DPYSL4: variants seen among roughly 807,000 people sequenced by gnomAD.
DPYSL4 encodes the protein dihydropyrimidinase-related protein 4.
DPYSL4 carries 43 observed loss-of-function variants against 63.4 expected under a neutral mutation model. The observed-to-expected ratio is 0.68, with a 90% confidence interval of 0.53 to 0.88. The LOEUF is 0.88. Ranked by LOEUF, DPYSL4 falls within the 40% of genes least tolerant of loss-of-function variation. The pLI is 0.00. For missense variants in DPYSL4, 733 were observed against 819.5 expected (o/e 0.89, Z 1.29); for synonymous variants, 353 against 331.7 (o/e 1.06, Z -0.70).
At position 132,200,860 on chromosome 10, in the gene DPYSL4, A is replaced by G; in HGVS notation, c.987A>G (p.Thr329=). ...TTTCCAGCGGGGACCTCCAGGTGACAGGCAGCGCCCACTGCACCTTCACCA... is the reference window on the plus strand; with the variant it reads ...TTTCCAGCGGGGACCTCCAGGTGACGGGCAGCGCCCACTGCACCTTCACCA... ...CLLSSGDLQV[T]GSAHCTFTTA... Residue 329 remains threonine, a synonymous_variant, in exon 10 of 14, where the codon ACA becomes ACG. Transcript: ENST00000338492. 8 of 1,612,762 alleles carry G rather than the reference A, an allele frequency of 5.0e-6. No homozygotes were observed. The highest frequency in any genetic ancestry group is 6.8e-6 in the Non-Finnish European group (8 of 1,179,840).
intron 7 of DPYSL4, 29 bp downstream of exon 7, chr10:132,198,512 C>A: frequency 6.4e-7 from 1 of 1,574,694 alleles, no homozygotes; most frequent in East Asian, 2.3e-5. Context: ...ACAGCACACC[C>A]GAGCCAACTC....
At position 132,200,426 on chromosome 10, in the gene DPYSL4, C is replaced by G; in HGVS notation, c.882C>G (p.Asn294Lys). 6.2e-7 allele frequency: 1 copy of G among 1,613,626 alleles called. No homozygotes were observed. Among genetic ancestry groups the G allele is most frequent in the Non-Finnish European group, 8.5e-7 (1 of 1,179,952 alleles). The change falls in exon 9 of 14, where the codon AAC becomes AAG. Residue 294 changes from asparagine (N) to lysine (K), a missense_variant. By Grantham distance (94) the Asn-to-Lys change is moderately conservative. Transcript: ENST00000338492. ...GTDGSHYWSK[N>K]WAKAAAFVTS... ...ACGGTTCACACTACTGGAGCAAGAA[C>G]TGGGCCAAGGCCGCAGCCTTCGTCA...
rs1203030549 is a variant in DPYSL4 at position 132,204,999 on chromosome 10, C to A, written c.*69C>A. The A allele has an allele frequency of 7.8e-7, 1 of 1,277,126 alleles. No homozygotes were observed. The highest frequency in any genetic ancestry group is 1.1e-6 in the Non-Finnish European group (1 of 920,814). 79.1% of individuals were successfully genotyped at this position (1,277,126 alleles called of 1,614,324 possible). ...GCCGCGGGGGCCCCAGGGCACTCGCCCCCCTCCTTAGCATTTTCTTTTGTA... is the reference window on the plus strand; with the variant it reads ...GCCGCGGGGGCCCCAGGGCACTCGCACCCCTCCTTAGCATTTTCTTTTGTA... On this transcript the variant is annotated 3_prime_UTR_variant, in exon 14 of 14. Coordinates refer to ENST00000338492, the MANE Select transcript of DPYSL4 (RefSeq NM_006426.3).
chr10:132,193,337 G>A lies in DPYSL4; in HGVS notation c.313+495G>A, dbSNP rs146569457. ...TTATTATCCCATCAAAAAATAACCC[G>A]AGTTGCTATTTCTGTAGTGCTGGCT... is the stretch of plus-strand genomic sequence containing the variant. On this transcript the variant is annotated intron_variant, in intron 3 of 13. Coordinates refer to ENST00000338492, the MANE Select transcript of DPYSL4 (RefSeq NM_006426.3). Among the ~76,000 whole-genome samples, 700 of 152,352 alleles carry A rather than the reference G, an allele frequency of 4.6e-3. 2 individuals carry two copies. The highest frequency in any genetic ancestry group is 8.2e-3 in the Non-Finnish European group (555 of 68,028).
Position 132,200,420 on chromosome 10 carries a change from C to T in DPYSL4, c.876C>T (p.Ser292=), listed in dbSNP as rs766924068. The T allele has an allele frequency of 1.4e-5, 23 of 1,613,490 alleles. No homozygotes were observed. The African/African-American group carries it at 2.1e-4, about 15-fold the overall frequency. Residue 292 remains serine, a synonymous_variant, in exon 9 of 14, where the codon AGC becomes AGT. Coordinates refer to ENST00000338492, the MANE Select transcript of DPYSL4 (RefSeq NM_006426.3). ...GCACCGACGGTTCACACTACTGGAG[C>T]AAGAACTGGGCCAAGGCCGCAGCCT... ...SLGTDGSHYW[S]KNWAKAAAFV...
At chr10:132,202,585 C>T (rs538114250) in intron 11 of DPYSL4, 61 bp from the exon 12 acceptor site, 73 of 1,591,226 alleles carry the variant, frequency 4.6e-5, no homozygotes, top group Middle Eastern at 2.3e-4. Context: ...AGCGGCTCAA[C>T]GGGGATGGGA....
rs1161873281 is a variant in DPYSL4, at chr10:132,205,538, C to T, written c.*608C>T. 6.6e-6 allele frequency: 1 copy of T among 152,634 alleles called. No homozygotes were observed. The highest frequency in any genetic ancestry group is 1.5e-5 in the Non-Finnish European group (1 of 68,154). 9.5% of individuals were successfully genotyped at this position (152,634 alleles called of 1,614,324 possible). On this transcript the variant is annotated 3_prime_UTR_variant, in exon 14 of 14. Coordinates refer to ENST00000338492, the MANE Select transcript of DPYSL4 (RefSeq NM_006426.3). ...TCCCTTTTACGCACCCCAAGGCCCACACCTAAGCTTCCATGTAGCCCTCAT... is the reference window on the plus strand; with the variant it reads ...TCCCTTTTACGCACCCCAAGGCCCATACCTAAGCTTCCATGTAGCCCTCAT...
Position 132,200,979 on chromosome 10 carries a change from G to A in DPYSL4, c.1106G>A (p.Cys369Tyr). The A allele has an allele frequency of 6.2e-7, 1 of 1,613,074 alleles. No individual in the cohort carries two copies. Among genetic ancestry groups the A allele is most frequent in the East Asian group, 2.2e-5 (1 of 44,888 alleles). The change falls in exon 10 of 14, where the codon TGT becomes TAT. Residue 369 changes from cysteine (C) to tyrosine (Y), a missense_variant. By Grantham distance (194) the Cys-to-Tyr change is radical (BLOSUM62 -2). Transcript: ENST00000338492. ...CGCATGTCGATGGTCTGGGAGAAATGTGTGGTGAGCACAGGCCTGGCCGGG... is the reference window on the plus strand; with the variant it reads ...CGCATGTCGATGGTCTGGGAGAAATATGTGGTGAGCACAGGCCTGGCCGGG... ...EERMSMVWEK[C>Y]VASGKMDENE...
chr10:132,188,906 G>A (rs2061837470), intron 1 of DPYSL4, among the ~76,000 whole-genome samples: 1 of 152,226 alleles, frequency 6.6e-6, no homozygotes, highest in African/African-American at 2.4e-5. Flanking sequence ...TCTGGCCTGT[G>A]GCATAGTCTG....
rs531159692 is a variant in DPYSL4 at position 132,198,940 on chromosome 10, G to A, written c.780G>A (p.Ala260=). Residue 260 remains alanine (A), a synonymous_variant, in exon 8 of 14, where the codon GCG becomes GCA. Coordinates refer to ENST00000338492, the MANE Select transcript of DPYSL4 (RefSeq NM_006426.3). ...LYVTKVMSKG[A]ADAIAQAKRR... ...TCACCAAGGTGATGAGCAAGGGGGC[G>A]GCCGACGCCATCGCTCAGGCCAAGC... 1.4e-5 allele frequency: 23 copies of A among 1,612,728 alleles called. No homozygotes were observed. The highest frequency in any genetic ancestry group is 2.2e-5 in the East Asian group (1 of 44,882).
At chr10:132,198,045 G>A (rs570122856) in intron 6 of DPYSL4, among the ~76,000 whole-genome samples, 7 of 152,288 alleles carry the variant, frequency 4.6e-5, no homozygotes, top group African/African-American at 7.2e-5. Context: ...AGGAGTGGTC[G>A]TCCATTCCTG....
At chr10:132,187,227 T>A in intron 1 of DPYSL4, 125 bp downstream of exon 1, 1 of 611,894 alleles carries the variant, frequency 1.6e-6, no homozygotes, top group Non-Finnish European at 2.7e-6. Context: ...CTGGTCCCTG[T>A]CCTGGCGCCC....
intron 11 of DPYSL4, 112 bp from the exon 12 acceptor site, chr10:132,202,534 G>A: frequency 2.9e-6 from 4 of 1,377,126 alleles, no homozygotes; most frequent in South Asian, 1.4e-5. Flanking sequence ...CTCAGTGTAG[G>A]CACACCGGGC....
In DPYSL4 at chr10:132,204,942, C is replaced by T. The variant is rs201110426; in HGVS notation, c.*12C>T. ...CCTCTCTCTCCTAGACGCCCAGGAC[C>T]GGCCCTGTGAGCCGTGCTGGCCCCA... is the stretch of plus-strand genomic sequence containing the variant. On this transcript the variant is annotated 3_prime_UTR_variant, in exon 14 of 14. Transcript: ENST00000338492. 230 of 1,603,286 alleles carry T rather than the reference C, an allele frequency of 1.4e-4. No individual in the cohort carries two copies. The African/African-American group carries it at 2.5e-3, about 17-fold the overall frequency.
chr10:132,192,472 C>A, intron 2 of DPYSL4, 186 bp from the exon 3 acceptor site: 4 of 1,347,100 alleles, frequency 3.0e-6, no homozygotes, highest in Non-Finnish European at 3.8e-6. Flanking sequence ...CCGTCCTGAG[C>A]TGCGCTGAGT....
chr10:132,189,939 C>T lies in DPYSL4; in HGVS notation c.40-808C>T, dbSNP rs537398277. 5.3e-5 allele frequency among the ~76,000 whole-genome samples: 8 copies of T among 152,320 alleles called. No individual in the cohort carries two copies. In the South Asian group the frequency reaches 1.7e-3, roughly 32 times the overall value. ...ACCGACTTGCCTCTGGCACCACCAC[C>T]CCACCAGAAGGTTCCATCCCTCGGC... On this transcript the variant is annotated intron_variant, in intron 1 of 13. Transcript: ENST00000338492.
chr10:132,187,801 G>A (rs977338254), intron 1 of DPYSL4, among the ~76,000 whole-genome samples: 3 of 152,204 alleles, frequency 2.0e-5, no homozygotes, highest in Non-Finnish European at 4.4e-5. Flanking sequence ...ACACCCACAC[G>A]CACCGGCGCG....
At chr10:132,197,625 CAG>C (rs999116835) in intron 6 of DPYSL4, among the ~76,000 whole-genome samples, 16 of 152,252 alleles carry the variant, frequency 1.1e-4, no homozygotes, top group East Asian at 1.9e-4. Context: ...AGATGGAGTT[CAG>C]AGAGTGGGCC....
chr10:132,190,624 C>A, intron 1 of DPYSL4, 123 bp from the exon 2 acceptor site: 2 of 878,946 alleles, frequency 2.3e-6, no homozygotes, highest in Non-Finnish European at 3.4e-6. Context: ...CTTTTGTGCT[C>A]GTTTTTACGT....
Sources: allele counts gnomAD v4.1 joint callset (sites outside exome capture counted in the v4.1 genomes callset), GRCh38; gene constraint gnomAD v4.1.1; transcripts MANE v1.5; gene names NCBI Gene and HGNC (gene_info 2026-07-23, HGNC 2026-07-21).